Variants in NRIP2 observed in about 807,000 individuals in gnomAD.
NRIP2 encodes the protein nuclear receptor-interacting protein 2.
A neutral mutation model predicts 34.1 loss-of-function variants in NRIP2; 27 were observed. The ratio of observed to expected loss-of-function variants is 0.79; its 90% CI spans 0.58 to 1.09. The LOEUF is 1.09. NRIP2 is among the 50% of genes least tolerant of loss of function. The probability of loss-of-function intolerance (pLI) is 0.00; values close to 1 mark genes in which losing one functional copy is unlikely to be tolerated. For synonymous variants in NRIP2, 145 were observed against 146.9 expected, an observed-to-expected ratio of 0.99 and a Z score of 0.09; for missense variants, 385 against 352.6, an observed-to-expected ratio of 1.09 and a Z score of -0.74.
rs980467375 is a variant in NRIP2 at position 2,827,687 on chromosome 12, C to T, written c.701-10G>A. 9.9e-6 allele frequency: 16 copies of T among 1,613,956 alleles called. No individual in the cohort carries two copies. Among genetic ancestry groups the T allele is most frequent in the Non-Finnish European group, 1.3e-5 (15 of 1,180,054 alleles). On this transcript the variant is annotated splice_polypyrimidine_tract_variant and intron_variant, in intron 4 of 5. Coordinates refer to ENST00000337508, the MANE Select transcript of NRIP2 (RefSeq NM_031474.3). The surrounding 1 kb of genome is among the most constrained non-coding windows in gnomAD (Gnocchi z 4.0). ...TCAGGACTCTCAGCATCTATAGGAA[C>T]AATTTGAAAACAGAAGAGGCTGAGG... is the stretch of plus-strand genomic sequence containing the variant.
intron 1 of NRIP2, among the ~76,000 whole-genome samples, chr12:2,832,990 C>T (rs891662343): frequency 2.0e-5 from 3 of 151,900 alleles, no homozygotes; most frequent in African/African-American, 4.8e-5. Flanking sequence ...CACCTTCCCA[C>T]GATGAACACA....
Position 2,828,373 on chromosome 12 carries a change from G to T in NRIP2, c.537C>A (p.Thr179=). 6.2e-7 allele frequency: 1 copy of T among 1,614,076 alleles called. No individual in the cohort carries two copies. The highest frequency in any genetic ancestry group is 8.5e-7 in the Non-Finnish European group (1 of 1,180,026). The change falls in exon 3 of 6, where the codon ACC becomes ACA. Residue 179 remains threonine, a synonymous_variant. Coordinates refer to ENST00000337508, the MANE Select transcript of NRIP2 (RefSeq NM_031474.3). Reference sequence around the variant, plus strand: ...ATCCAGCAGAGATCCGATTGTATTGGGTGCCTGTGTCAACGGCCACTCTAA... The same window carrying T: ...ATCCAGCAGAGATCCGATTGTATTGTGTGCCTGTGTCAACGGCCACTCTAA... ...QLLRVAVDTG[T]QYNRISAGCL...
In NRIP2 at chr12:2,827,560, C is replaced by G. The variant is rs2097974676; in HGVS notation, c.753+65G>C. The stretch of plus-strand genomic sequence containing the variant: ...CTCTCATCAGAACCTGGTCCAGGTT[C>G]CACACCTGTGCCTTCTACTACTTTT... On this transcript the variant is annotated intron_variant, in intron 5 of 5. Coordinates refer to ENST00000337508, the MANE Select transcript of NRIP2 (RefSeq NM_031474.3). The surrounding 1 kb of genome is among the most constrained non-coding windows in gnomAD (Gnocchi z 4.0). 6.2e-7 allele frequency: 1 copy of G among 1,612,062 alleles called. No homozygotes were observed. Among genetic ancestry groups the G allele is most frequent in the Non-Finnish European group, 8.5e-7 (1 of 1,179,184 alleles).
chr12:2,826,822 AG>A lies in NRIP2; in HGVS notation c.*384del. ...TGGTGAGAGACATGGTGGTGTGGGA[AG>A]TTGAGTTGTGTTTGGGGTGGTATTG... On this transcript the variant is annotated 3_prime_UTR_variant, in exon 6 of 6. Coordinates refer to ENST00000337508, the MANE Select transcript of NRIP2 (RefSeq NM_031474.3). 5 of 275,122 alleles carry A rather than the reference AG, an allele frequency of 1.8e-5. No individual in the cohort carries two copies. Among genetic ancestry groups the A allele is most frequent in the South Asian group, 8.4e-5 (2 of 23,776 alleles). 17.0% of individuals were successfully genotyped at this position (275,122 alleles called of 1,614,324 possible). A position where few individuals can be genotyped will look rare whatever the true frequency, so the allele number is the denominator to read the frequency against.
rs113762274 is a variant in NRIP2 at position 2,827,818 on chromosome 12, A to G, written c.700+108T>C. ...CACAGAGATGGGGGATAGTCAGAAC[A>G]TCTCTGGGAACTCCTCGTGCTGCAG... On this transcript the variant is annotated intron_variant, in intron 4 of 5. Transcript: ENST00000337508. The surrounding 1 kb of genome is among the most constrained non-coding windows in gnomAD (Gnocchi z 4.0). 1.4e-4 allele frequency: 220 copies of G among 1,602,860 alleles called. No individual in the cohort carries two copies. Among genetic ancestry groups the G allele is most frequent in the Admixed American group, 2.0e-4 (12 of 59,420 alleles).
At position 2,830,804 on chromosome 12, in the gene NRIP2, C is replaced by A. The variant is rs1036210657; in HGVS notation, c.399G>T (p.Gln133His). The change falls in exon 2 of 6, where the codon CAG becomes CAT. Residue 133 changes from glutamine to histidine, a missense_variant. Physicochemically the swap from Gln to His is conservative, Grantham distance 24. Transcript: ENST00000337508. Reference protein sequence around the residue: ...RLVEGNPNWLQGEPPRMQDLI... With the variant: ...RLVEGNPNWLHGEPPRMQDLI... ...GGTCCTGCATCCGGGGAGGCTCCCCCTGAAGCCAATTCGGGTTTCCCTCCA... is the reference window on the plus strand; with the variant it reads ...GGTCCTGCATCCGGGGAGGCTCCCCATGAAGCCAATTCGGGTTTCCCTCCA... 18 of 1,613,864 alleles carry A rather than the reference C, an allele frequency of 1.1e-5. No individual in the cohort carries two copies. Among genetic ancestry groups the A allele is most frequent in the African/African-American group, 8.0e-5 (6 of 75,018 alleles).
At position 2,827,779 on chromosome 12, in the gene NRIP2, T is replaced by A; in HGVS notation, c.701-102A>T. 1.2e-6 allele frequency: 2 copies of A among 1,606,762 alleles called. No individual in the cohort carries two copies. Among genetic ancestry groups the A allele is most frequent in the Non-Finnish European group, 1.7e-6 (2 of 1,176,972 alleles). ...CTTCTCTGCCCACCCCATCCCCAGA[T>A]CCGAGGACACTGGCACAGAGATGGG... On this transcript the variant is annotated intron_variant, in intron 4 of 5. Coordinates refer to ENST00000337508, the MANE Select transcript of NRIP2 (RefSeq NM_031474.3). This position sits in a 1 kb window ranked among gnomAD's most constrained non-coding sequence, Gnocchi z 4.0.
Position 2,826,823 on chromosome 12 carries a change from G to GTT in NRIP2, c.*382_*383dup, listed in dbSNP as rs1276468048. On this transcript the variant is annotated 3_prime_UTR_variant, in exon 6 of 6. Coordinates refer to ENST00000337508, the MANE Select transcript of NRIP2 (RefSeq NM_031474.3). ...GGTGAGAGACATGGTGGTGTGGGAA[G>GTT]TTGAGTTGTGTTTGGGGTGGTATTG... is the stretch of plus-strand genomic sequence containing the variant. 7.0e-6 allele frequency: 2 copies of GTT among 285,806 alleles called. No individual in the cohort carries two copies. Among genetic ancestry groups the GTT allele is most frequent in the African/African-American group, 4.6e-5 (2 of 43,114 alleles). 17.7% of individuals were successfully genotyped at this position (285,806 alleles called of 1,614,324 possible).
Position 2,826,986 on chromosome 12 carries a change from G to T in NRIP2, c.*221C>A, listed in dbSNP as rs745888789. 21 of 1,365,968 alleles carry T rather than the reference G, an allele frequency of 1.5e-5. No individual in the cohort carries two copies. The South Asian group carries it at 3.1e-4, about 20-fold the overall frequency. 84.6% of individuals were successfully genotyped at this position (1,365,968 alleles called of 1,614,324 possible). On this transcript the variant is annotated 3_prime_UTR_variant, in exon 6 of 6. Coordinates refer to ENST00000337508, the MANE Select transcript of NRIP2 (RefSeq NM_031474.3). Reference sequence around the variant, plus strand: ...GAAGATGAATCAGAATCCTGGCATCGTGGGCCCTCTAGTGAAAACTCGTCC... The same window carrying T: ...GAAGATGAATCAGAATCCTGGCATCTTGGGCCCTCTAGTGAAAACTCGTCC...
At chr12:2,828,710 C>T (rs189604225) in intron 2 of NRIP2, among the ~76,000 whole-genome samples, 55 of 152,116 alleles carry the variant, frequency 3.6e-4, no homozygotes, top group African/African-American at 1.1e-3. Context: ...GGTGTGGTGG[C>T]GCATGCCTGT....
At chr12:2,830,598 G>A in intron 2 of NRIP2, 110 bp downstream of exon 2, 3 of 1,192,280 alleles carry the variant, frequency 2.5e-6, no homozygotes, top group African/African-American at 1.6e-5. Context: ...GGAGAGAGGT[G>A]CCCTTTCTCC....
At position 2,827,226 on chromosome 12, in the gene NRIP2, T is replaced by C. The variant is rs1035668638; in HGVS notation, c.827A>G (p.Tyr276Cys). 1.2e-6 allele frequency: 2 copies of C among 1,614,118 alleles called. No homozygotes were observed. Among genetic ancestry groups the C allele is most frequent in the Non-Finnish European group, 1.7e-6 (2 of 1,180,018 alleles). Reference protein sequence around the residue: ...PFSELPFLPLYQEPGQ With the variant: ...PFSELPFLPLCQEPGQ Reference sequence around the variant, plus strand: ...CAGCAGTCACTGGCCAGGCTCTTGGTACAAAGGCAGGAAGGGTAGCTCTGA... The same window carrying C: ...CAGCAGTCACTGGCCAGGCTCTTGGCACAAAGGCAGGAAGGGTAGCTCTGA... Residue 276 changes from tyrosine to cysteine, a missense_variant, in exon 6 of 6, where the codon TAC (tyrosine) becomes TGC (cysteine). Physicochemically the swap from Tyr to Cys is radical, Grantham distance 194. Transcript: ENST00000337508. The surrounding 1 kb of genome is among the most constrained non-coding windows in gnomAD (Gnocchi z 4.0).
chr12:2,834,017 C>CT (rs1321251205), intron 1 of NRIP2, among the ~76,000 whole-genome samples: 2 of 152,218 alleles, frequency 1.3e-5, no homozygotes, highest in East Asian at 3.9e-4. Flanking sequence ...CACATCCTCA[C>CT]TGTTACTCCC....
chr12:2,827,239 A>G lies in NRIP2; in HGVS notation c.814T>C (p.Phe272Leu), dbSNP rs762639631. The change falls in exon 6 of 6, where the codon TTC becomes CTC. Residue 272 changes from phenylalanine to leucine, a missense_variant. Coordinates refer to ENST00000337508, the MANE Select transcript of NRIP2 (RefSeq NM_031474.3). The surrounding 1 kb of genome is among the most constrained non-coding windows in gnomAD (Gnocchi z 4.0). ...CCAGGCTCTTGGTACAAAGGCAGGA[A>G]GGGTAGCTCTGAGAACGGGGCTTTC... ...RLKAPFSELPFLPLYQEPGQ is the reference protein window; with the variant it reads ...RLKAPFSELPLLPLYQEPGQ The G allele has an allele frequency of 5.6e-6, 9 of 1,614,136 alleles. No homozygotes were observed. The East Asian group carries it at 2.0e-4, about 36-fold the overall frequency.
chr12:2,834,148 C>G (rs2098016701), intron 1 of NRIP2, among the ~76,000 whole-genome samples: 1 of 152,216 alleles, frequency 6.6e-6, no homozygotes, highest in Non-Finnish European at 1.5e-5. Flanking sequence ...GGGCCCCCGG[C>G]AAGAGCCACA....
In NRIP2 at chr12:2,826,008, C is replaced by A. The variant is rs2090325360; in HGVS notation, c.*1199G>T. On this transcript the variant is annotated 3_prime_UTR_variant, in exon 6 of 6. Transcript: ENST00000337508. ...CAAACTCCTGACCTCAAGTGATCCA[C>A]CCACCTCAGCCTCCCAAAGTGCTGG... The A allele has an allele frequency of 1.3e-5, 2 of 152,236 alleles. No individual in the cohort carries two copies. The highest frequency in any genetic ancestry group is 1.9e-4 in the East Asian group (1 of 5,178). The allele number at this position is 152,236 out of a possible 1,614,324, so 9.4% of individuals were successfully genotyped here.
At position 2,827,848 on chromosome 12, in the gene NRIP2, T is replaced by A; in HGVS notation, c.700+78A>T. ...TGGGAACTCCTCGTGCTGCAGGGAGTGAAAGTCTCAGCCTTTGCCCCACCC... is the reference window on the plus strand; with the variant it reads ...TGGGAACTCCTCGTGCTGCAGGGAGAGAAAGTCTCAGCCTTTGCCCCACCC... On this transcript the variant is annotated intron_variant, in intron 4 of 5. Transcript: ENST00000337508. This position sits in a 1 kb window ranked among gnomAD's most constrained non-coding sequence, Gnocchi z 4.0. The A allele has an allele frequency of 6.2e-7, 1 of 1,608,834 alleles. No homozygotes were observed.
In NRIP2 at chr12:2,825,870, C is replaced by A. The variant is rs2097964125; in HGVS notation, c.*1337G>T. On this transcript the variant is annotated 3_prime_UTR_variant, in exon 6 of 6. Transcript: ENST00000337508. ...CCCCATCTCCCAGGTTCAAGCAACT[C>A]CTATGCCTCAGCCTTCCAAGTAGCT... is the stretch of plus-strand genomic sequence containing the variant. The A allele has an allele frequency of 1.3e-5, 2 of 152,242 alleles. No individual in the cohort carries two copies. The highest frequency in any genetic ancestry group is 2.9e-5 in the Non-Finnish European group (2 of 68,078). 9.4% of individuals were successfully genotyped at this position (152,242 alleles called of 1,614,324 possible).
At position 2,834,650 on chromosome 12, in the gene NRIP2, T is replaced by C. The variant is rs1282822739; in HGVS notation, c.334A>G (p.Lys112Glu). 6.3e-7 allele frequency: 1 copy of C among 1,596,372 alleles called. No homozygotes were observed. The highest frequency in any genetic ancestry group is 1.7e-5 in the Admixed American group (1 of 57,208). Residue 112 changes from lysine to glutamate, a missense_variant, in exon 1 of 6, where the codon AAG (lysine) becomes GAG (glutamate). Lys to Glu is a moderately conservative substitution (Grantham distance 56). Coordinates refer to ENST00000337508, the MANE Select transcript of NRIP2 (RefSeq NM_031474.3). ...GAGGGGTGATGCCTCACCAAGTCCT[T>C]GGAGGTGCCGAGCCTCTTGAGGCTG... ...LDSLKRLGTSKDLQPRSVIQR... is the reference protein window; with the variant it reads ...LDSLKRLGTSEDLQPRSVIQR...
Sources: gnomAD v4.1 joint callset for allele counts (sites outside exome capture counted in the v4.1 genomes callset) on GRCh38, gnomAD v4.1.1 for gene constraint, Gnocchi (gnomAD v3.1) non-coding constraint, MANE v1.5 for transcripts, NCBI Gene and HGNC (gene_info 2026-07-23, HGNC 2026-07-21) for gene names.